The following CD6 variants were observed in gnomAD, a reference collection of about 807,000 sequenced individuals.
The protein encoded by CD6 is CD6 molecule.
In CD6, 53 loss-of-function variants were observed where a neutral mutation model predicts 75.3. The observed-to-expected ratio is 0.70, with a 90% CI of 0.56 to 0.88. The LOEUF is 0.88. Ranked by LOEUF, CD6 falls within the 40% of genes least tolerant of loss-of-function variation. The probability of loss-of-function intolerance (pLI) is 0.00; values close to 1 mark genes in which losing one functional copy is unlikely to be tolerated. For synonymous variants in CD6, 359 were observed against 381.5 expected, an observed-to-expected ratio of 0.94 and a Z score of 0.69; for missense variants, 770 against 897.1, an observed-to-expected ratio of 0.86 and a Z score of 1.81.
At chr11:61,013,395 C>G in intron 6 of CD6, 28 bp from the exon 7 acceptor site, 1 of 1,612,358 alleles carries the variant, frequency 6.2e-7, no homozygotes, top group Non-Finnish European at 8.5e-7. Flanking sequence ...ATTCCTCTTT[C>G]TTCCTGAATT....
chr11:61,000,697 A>T (rs1018339206), intron 1 of CD6, among the ~76,000 whole-genome samples: 4 of 152,174 alleles, frequency 2.6e-5, no homozygotes, highest in Non-Finnish European at 5.9e-5. Context: ...CACCTCTCAG[A>T]TGCCCATGGG....
rs1467386652 is a variant in CD6, at chr11:61,009,620, A to G, written c.830A>G (p.Gln277Arg). 1 of 1,613,320 alleles carries G rather than the reference A, an allele frequency of 6.2e-7. No homozygotes were observed. ...LTGGADRCEG[Q>R]VEVHFRGVWN... ...GGGGGCGCTGACCGCTGCGAGGGGC[A>G]GGTGGAGGTACACTTCCGAGGGGTC... The change falls in exon 5 of 13, where the codon CAG (glutamine) becomes CGG (arginine). Residue 277 changes from glutamine (Q) to arginine (R), a missense_variant. Coordinates refer to ENST00000313421, the MANE Select transcript of CD6 (RefSeq NM_006725.5).
intron 1 of CD6, among the ~76,000 whole-genome samples, chr11:61,003,143 G>T (rs1307705933): frequency 6.6e-6 from 1 of 151,908 alleles, no homozygotes; most frequent in African/African-American, 2.4e-5. Context: ...TTTTGTATTT[G>T]TAGTAGAGAC....
intron 3 of CD6, 155 bp from the exon 4 acceptor site, chr11:61,008,379 G>A (rs1321053159): frequency 1.3e-5 from 9 of 707,548 alleles, no homozygotes; most frequent in Non-Finnish European, 1.8e-5. Context: ...TAACCCATCT[G>A]CAGTCCTGGG....
rs1326923563 is a variant in CD6 at position 61,019,187 on chromosome 11, G to C, written c.1943-67G>C. The stretch of plus-strand genomic sequence containing the variant: ...AGTGATGTGGAGCCAGAACCACTCA[G>C]CTCCGTCCTGTGGGGCAGCAGGGCA... On this transcript the variant is annotated intron_variant, in intron 12 of 12. Coordinates refer to ENST00000313421, the MANE Select transcript of CD6 (RefSeq NM_006725.5). 3 of 1,252,086 alleles carry C rather than the reference G, an allele frequency of 2.4e-6. No individual in the cohort carries two copies. In the African/African-American group the frequency reaches 4.4e-5, roughly 19 times the overall value. 77.6% of individuals were successfully genotyped at this position (1,252,086 alleles called of 1,614,324 possible). A position where few individuals can be genotyped will look rare whatever the true frequency, so the allele number is the denominator to read the frequency against.
intron 1 of CD6, among the ~76,000 whole-genome samples, chr11:60,988,777 C>G (rs1214519972): frequency 6.6e-6 from 1 of 152,164 alleles, no homozygotes; most frequent in Non-Finnish European, 1.5e-5. Context: ...GGATTTTCAC[C>G]CCTTGCCCAC....
Position 60,994,167 on chromosome 11 carries a change from G to A in CD6, c.50-12407G>A, listed in dbSNP as rs142250644. On this transcript the variant is annotated intron_variant, in intron 1 of 12. Coordinates refer to ENST00000313421, the MANE Select transcript of CD6 (RefSeq NM_006725.5). ...AAAAAGGCTGAATTTCTGGCCGGGC[G>A]CGGTGGCTCATGCCTGTAATCCCAG... is the stretch of plus-strand genomic sequence containing the variant. Among the ~76,000 whole-genome samples, 1,495 of 152,168 alleles carry A rather than the reference G, an allele frequency of 9.8e-3. 17 individuals carry two copies. Among genetic ancestry groups the A allele is most frequent in the African/African-American group, 0.033 (1,379 of 41,518 alleles).
At position 60,994,457 on chromosome 11, in the gene CD6, C is replaced by CAAAAAAAAAAAAA. The variant is rs61349237; in HGVS notation, c.50-12115_50-12103dup. On this transcript the variant is annotated intron_variant, in intron 1 of 12. Transcript: ENST00000313421. ...CTCATCCCCTCCCCAACACCCCCGC[C>CAAAAAAAAAAAAA]AAAAAAAAAAAAAAGCTGAATTTCT... Among the ~76,000 whole-genome samples the CAAAAAAAAAAAAA allele has an allele frequency of 5.0e-3, 262 of 52,894 alleles. 24 individuals carry two copies. The highest frequency in any genetic ancestry group is 8.9e-3 in the South Asian group (8 of 896). The allele number at this position is 52,894 out of a possible 152,430, so 34.7% of individuals were successfully genotyped here.
At chr11:60,983,540 TG>T (rs1857671847) in intron 1 of CD6, among the ~76,000 whole-genome samples, 1 of 152,198 alleles carries the variant, frequency 6.6e-6, no homozygotes, top group Non-Finnish European at 1.5e-5. Flanking sequence ...CCTCTCAATG[TG>T]TCTGTTTTTC....
In CD6 at chr11:60,971,700, C is replaced by A. The variant is rs1174646062; in HGVS notation, c.-166C>A. On this transcript the variant is annotated 5_prime_UTR_variant, in exon 1 of 13. Transcript: ENST00000313421. ...GAGACACTCACAGGTTGGGTTTGAT[C>A]GCATGCGTGTCGGAGAGGAGAGAGC... 1.8e-5 allele frequency: 12 copies of A among 657,804 alleles called. No homozygotes were observed. Among genetic ancestry groups the A allele is most frequent in the Non-Finnish European group, 2.9e-5 (11 of 375,752 alleles). 40.7% of individuals were successfully genotyped at this position (657,804 alleles called of 1,614,324 possible).
intron 4 of CD6, 36 bp downstream of exon 4, chr11:61,008,881 C>G (rs749181747): frequency 6.8e-7 from 1 of 1,478,484 alleles, no homozygotes; most frequent in South Asian, 1.4e-5. Flanking sequence ...CGGTCACTAC[C>G]AACACTCACC....
At chr11:60,996,889 CATT>C (rs1178385752) in intron 1 of CD6, among the ~76,000 whole-genome samples, 1 of 152,178 alleles carries the variant, frequency 6.6e-6, no homozygotes, top group Non-Finnish European at 1.5e-5. Context: ...CTGAGAGAAG[CATT>C]ATTAACTCCA....
At chr11:60,980,220 AG>A (rs1857509255) in intron 1 of CD6, among the ~76,000 whole-genome samples, 2 of 152,222 alleles carry the variant, frequency 1.3e-5, no homozygotes, top group South Asian at 4.1e-4. Context: ...TAAGAAGTTA[AG>A]GGGGAAAAAA....
At chr11:60,984,786 A>G (rs1463476685) in intron 1 of CD6, among the ~76,000 whole-genome samples, 2 of 152,234 alleles carry the variant, frequency 1.3e-5, no homozygotes, top group Non-Finnish European at 2.9e-5. Context: ...TGCTGAGATC[A>G]GGGAGAGGAC....
chr11:60,989,714 T>C (rs1857984148), intron 1 of CD6, among the ~76,000 whole-genome samples: 1 of 152,172 alleles, frequency 6.6e-6, no homozygotes, highest in Non-Finnish European at 1.5e-5. Context: ...CCCTGAGGTG[T>C]TTATCAGAGC....
chr11:60,985,621 A>T (rs1857782798), intron 1 of CD6, among the ~76,000 whole-genome samples: 1 of 152,194 alleles, frequency 6.6e-6, no homozygotes, highest in African/African-American at 2.4e-5. Flanking sequence ...AGTGTCATTA[A>T]ATAGCCTGCC....
At position 60,994,777 on chromosome 11, in the gene CD6, C is replaced by A. The variant is rs150757410; in HGVS notation, c.50-11797C>A. Among the ~76,000 whole-genome samples the A allele has an allele frequency of 3.5e-3, 526 of 152,300 alleles. 3 individuals are homozygous for A. Among genetic ancestry groups the A allele is most frequent in the African/African-American group, 0.012 (502 of 41,560 alleles). On this transcript the variant is annotated intron_variant, in intron 1 of 12. Coordinates refer to ENST00000313421, the MANE Select transcript of CD6 (RefSeq NM_006725.5). Reference sequence around the variant, plus strand: ...ATTAACACTTGCTGAACTTGTTCCACGTGCTAGGAACTGGGACAGGTATTC... The same window carrying A: ...ATTAACACTTGCTGAACTTGTTCCAAGTGCTAGGAACTGGGACAGGTATTC...
chr11:61,007,913 A>G lies in CD6; in HGVS notation c.469+3A>G. ...GCGGGCCCGTGTCACCTGTGCAGGT[A>G]CGAGCGCACCCCCTACACGGGCCCC... On this transcript the variant is annotated splice_donor_region_variant and intron_variant, in intron 3 of 12. Transcript: ENST00000313421. The surrounding 1 kb of genome is among the most constrained non-coding windows in gnomAD (Gnocchi z 4.2). 1 of 1,336,574 alleles carries G rather than the reference A, an allele frequency of 7.5e-7. No homozygotes were observed. 82.8% of individuals were successfully genotyped at this position (1,336,574 alleles called of 1,614,324 possible). A position where few individuals can be genotyped will look rare whatever the true frequency, so the allele number is the denominator to read the frequency against.
At position 60,971,793 on chromosome 11, in the gene CD6, G is replaced by T. The variant is rs900196114; in HGVS notation, c.-73G>T. On this transcript the variant is annotated 5_prime_UTR_variant, in exon 1 of 13. Coordinates refer to ENST00000313421, the MANE Select transcript of CD6 (RefSeq NM_006725.5). Reference sequence around the variant, plus strand: ...CCTGCGCCAGGGGCGCACAACGGCCGTGTCCACCTCCCGGCCCCAAGATGG... The same window carrying T: ...CCTGCGCCAGGGGCGCACAACGGCCTTGTCCACCTCCCGGCCCCAAGATGG... 9.3e-6 allele frequency: 14 copies of T among 1,499,852 alleles called. 1 individual carries two copies. The Admixed American group carries it at 1.0e-4, about 11-fold the overall frequency. 92.9% of individuals were successfully genotyped at this position (1,499,852 alleles called of 1,614,324 possible). A position where few individuals can be genotyped will look rare whatever the true frequency, so the allele number is the denominator to read the frequency against.
Sources: gnomAD v4.1 joint callset for allele counts (sites outside exome capture counted in the v4.1 genomes callset) on GRCh38, gnomAD v4.1.1 for gene constraint, Gnocchi (gnomAD v3.1) non-coding constraint, MANE v1.5 for transcripts, NCBI Gene and HGNC (gene_info 2026-07-23, HGNC 2026-07-21) for gene names.